Variants in CNTN6 observed in about 807,000 individuals in gnomAD.
The protein encoded by CNTN6 is contactin 6.
In CNTN6, 137 loss-of-function variants were observed where a neutral mutation model predicts 122.8. The ratio of observed to expected loss-of-function variants is 1.12; its 90% CI spans 0.97 to 1.29. The LOEUF is 1.29. Among genes scored for constraint, CNTN6 ranks in the 50% most tolerant of loss-of-function variants. The pLI, the probability that CNTN6 is intolerant of heterozygous loss-of-function variation, is 0.00. For synonymous variants in CNTN6, 570 were observed against 426.0 expected (o/e 1.34, Z -4.16); for missense variants, 1,634 against 1,223.4 (o/e 1.34, Z -5.01).
At chr3:1,303,791 G>C (rs1486228483) in intron 7 of CNTN6, among the ~76,000 whole-genome samples, 1 of 152,106 alleles carries the variant, frequency 6.6e-6, no homozygotes, top group Admixed American at 6.5e-5. Context: ...TTATTAAAAA[G>C]CTTTTTGAAC....
At chr3:1,362,590 G>A (rs551701841) in intron 12 of CNTN6, among the ~76,000 whole-genome samples, 1 of 152,088 alleles carries the variant, frequency 6.6e-6, no homozygotes, top group Admixed American at 6.6e-5. Flanking sequence ...TGCGTGAATA[G>A]AAAATGTCTA....
At chr3:1,155,608 C>T (rs1305947791) in intron 2 of CNTN6, among the ~76,000 whole-genome samples, 4 of 152,130 alleles carry the variant, frequency 2.6e-5, no homozygotes, top group Non-Finnish European at 5.9e-5. Context: ...GTGGTTTGTT[C>T]AGGGAGTAGA....
intron 1 of CNTN6, among the ~76,000 whole-genome samples, chr3:1,094,764 T>G (rs891039712): frequency 2.9e-5 from 4 of 136,250 alleles, no homozygotes; most frequent in South Asian, 4.9e-4. Flanking sequence ...TACTTCTGGG[T>G]TTTTTTTTTA....
intron 9 of CNTN6, among the ~76,000 whole-genome samples, chr3:1,327,128 T>C (rs1701646373): frequency 6.6e-6 from 1 of 151,924 alleles, no homozygotes; most frequent in South Asian, 2.1e-4. Context: ...ACATTATTGT[T>C]AACCGTGTTT....
In CNTN6 at chr3:1,326,395, C is replaced by T. The variant is rs145971037; in HGVS notation, c.1083+444C>T. Among the ~76,000 whole-genome samples, 1,319 of 151,890 alleles carry T rather than the reference C, an allele frequency of 8.7e-3. 78 individuals are homozygous for T. The highest frequency in any genetic ancestry group is 0.08 in the Admixed American group (1,218 of 15,216). On this transcript the variant is annotated intron_variant, in intron 9 of 22. Coordinates refer to ENST00000446702, the MANE Select transcript of CNTN6 (RefSeq NM_001289080.2). ...GAAAATGAGTTTCAAAGAGGTTAGG[C>T]TACTTGTTTAAGGTCACACAGCAGC...
At chr3:1,238,355 A>G (rs1284530480) in intron 4 of CNTN6, among the ~76,000 whole-genome samples, 1 of 152,196 alleles carries the variant, frequency 6.6e-6, no homozygotes, top group Non-Finnish European at 1.5e-5. Flanking sequence ...GGGACATTAT[A>G]TAATGATAAA....
chr3:1,289,673 T>TG (rs1196807059), intron 5 of CNTN6, among the ~76,000 whole-genome samples: 2 of 108,710 alleles, frequency 1.8e-5, no homozygotes, highest in Non-Finnish European at 3.5e-5. Context: ...TTTGTTTTTT[T>TG]GGGTTTTTTT....
At chr3:1,132,404 A>G (rs1212479000) in intron 1 of CNTN6, among the ~76,000 whole-genome samples, 5 of 152,078 alleles carry the variant, frequency 3.3e-5, no homozygotes, top group Non-Finnish European at 7.3e-5. Context: ...CAGTTATCTC[A>G]TTGATGACAC....
intron 1 of CNTN6, among the ~76,000 whole-genome samples, chr3:1,117,900 A>T (rs1672461023): frequency 6.6e-6 from 1 of 152,174 alleles, no homozygotes; most frequent in African/African-American, 2.4e-5. Flanking sequence ...ACTGAGCTTC[A>T]GTTCTTTGCA....
In CNTN6 at chr3:1,101,166, A is replaced by T. The variant is rs369883874; in HGVS notation, c.-83+8046A>T. ...AGACAGAATGAATTTGGGCCCTACAACCAAGCATAGTACACATTCTGGGTT... is the reference window on the plus strand; with the variant it reads ...AGACAGAATGAATTTGGGCCCTACATCCAAGCATAGTACACATTCTGGGTT... On this transcript the variant is annotated intron_variant, in intron 1 of 22. Transcript: ENST00000446702. Among the ~76,000 whole-genome samples the T allele has an allele frequency of 2.6e-5, 4 of 152,288 alleles. No individual in the cohort carries two copies. In the South Asian group the frequency reaches 8.3e-4, roughly 32 times the overall value.
At chr3:1,395,459 G>C (rs1048802722) in intron 20 of CNTN6, among the ~76,000 whole-genome samples, 2 of 152,032 alleles carry the variant, frequency 1.3e-5, no homozygotes, top group Non-Finnish European at 2.9e-5. Flanking sequence ...ACCCTCCTTA[G>C]GTTTGTGACC....
intron 2 of CNTN6, among the ~76,000 whole-genome samples, chr3:1,156,645 CT>C (rs1165314580): frequency 6.6e-6 from 1 of 151,414 alleles, no homozygotes; most frequent in Non-Finnish European, 1.5e-5. Flanking sequence ...TTCTTTCTTT[CT>C]TGCTCTTGCT....
intron 5 of CNTN6, among the ~76,000 whole-genome samples, chr3:1,287,510 G>T (rs1694550815): frequency 6.6e-6 from 1 of 152,140 alleles, no homozygotes; most frequent in Non-Finnish European, 1.5e-5. Flanking sequence ...TGTATCCTAT[G>T]ACTTGCTTGG....
intron 2 of CNTN6, among the ~76,000 whole-genome samples, chr3:1,202,984 G>C (rs948410249): frequency 6.6e-6 from 1 of 152,176 alleles, no homozygotes; most frequent in Admixed American, 6.5e-5. Flanking sequence ...GATGTAGCAA[G>C]AGAGTAATAG....
intron 1 of CNTN6, among the ~76,000 whole-genome samples, chr3:1,118,712 T>C (rs1559346549): frequency 6.6e-6 from 1 of 152,176 alleles, no homozygotes; most frequent in Non-Finnish European, 1.5e-5. Flanking sequence ...CATATAGTCA[T>C]GTCTCTCTAA....
chr3:1,166,359 C>T (rs996122074), intron 2 of CNTN6, among the ~76,000 whole-genome samples: 1 of 152,042 alleles, frequency 6.6e-6, no homozygotes, highest in African/African-American at 2.4e-5. Context: ...GAGATCTGAA[C>T]CCAAGTACAC....
intron 10 of CNTN6, among the ~76,000 whole-genome samples, chr3:1,329,068 A>G (rs79197127): frequency 0.12 from 17,789 of 151,472 alleles, 1,311 homozygotes; most frequent in South Asian, 0.18. Context: ...ATATACATAT[A>G]TAAATCACAT....
chr3:1,389,415 C>T (rs1693744712), intron 20 of CNTN6, among the ~76,000 whole-genome samples: 1 of 151,914 alleles, frequency 6.6e-6, no homozygotes, highest in Non-Finnish European at 1.5e-5. Context: ...GAAGGAAGCA[C>T]TAAACATGGA....
At chr3:1,157,026 T>A (rs1246066043) in intron 2 of CNTN6, among the ~76,000 whole-genome samples, 1 of 151,446 alleles carries the variant, frequency 6.6e-6, no homozygotes, top group Non-Finnish European at 1.5e-5. Context: ...TCTTTTTTTT[T>A]TTATTTTTAA....
Sources: allele counts gnomAD v4.1 joint callset (sites outside exome capture counted in the v4.1 genomes callset), GRCh38; gene constraint gnomAD v4.1.1; transcripts MANE v1.5; gene names NCBI Gene and HGNC (gene_info 2026-07-23, HGNC 2026-07-21).